The following HHLA1 variants were observed in gnomAD, a reference collection of about 807,000 sequenced individuals.
HHLA1 encodes HERV-H LTR-associating protein 1.
In HHLA1, 72 loss-of-function variants were observed where a neutral mutation model predicts 69.9. The observed-to-expected ratio is 1.03, with a 90% CI of 0.85 to 1.25. HHLA1 has a LOEUF of 1.25. Among genes scored for constraint, HHLA1 ranks in the 50% most tolerant of loss-of-function variants. The pLI is 0.00. For missense variants in HHLA1, 685 were observed against 642.2 expected, an observed-to-expected ratio of 1.07 and a Z score of -0.72; for synonymous variants, 252 against 233.2, an observed-to-expected ratio of 1.08 and a Z score of -0.73.
At chr8:132,097,014 G>C (rs1055162300) in intron 5 of HHLA1, among the ~76,000 whole-genome samples, 1 of 152,152 alleles carries the variant, frequency 6.6e-6, no homozygotes, top group Non-Finnish European at 1.5e-5. Context: ...TACCCACTGT[G>C]ATGGTGGATG....
chr8:132,093,607 G>T (rs1014215023), intron 7 of HHLA1, among the ~76,000 whole-genome samples: 1 of 152,086 alleles, frequency 6.6e-6, no homozygotes, highest in African/African-American at 2.4e-5. Flanking sequence ...GGAACACCAG[G>T]CAATTTTATC....
chr8:132,069,251 T>C (rs1276201701), intron 15 of HHLA1, among the ~76,000 whole-genome samples: 3 of 152,184 alleles, frequency 2.0e-5, no homozygotes, highest in Non-Finnish European at 4.4e-5. Context: ...AAAGCCCTAT[T>C]AGTTATTTCT....
chr8:132,076,038 T>G lies in HHLA1; in HGVS notation c.1315+17A>C, dbSNP rs186471945. The stretch of plus-strand genomic sequence containing the variant: ...AATAAACACAAGCAATAGTAATGAC[T>G]GGGCACTGGTACTTACTTGAAACTT... On this transcript the variant is annotated intron_variant, in intron 14 of 16. Coordinates refer to ENST00000414222, the MANE Select transcript of HHLA1 (RefSeq NM_001145095.3). 1,563 of 1,532,230 alleles carry G rather than the reference T, an allele frequency of 1.0e-3. 4 individuals are homozygous for G. Among genetic ancestry groups the G allele is most frequent in the Admixed American group, 2.1e-3 (108 of 50,966 alleles). The allele number at this position is 1,532,230 out of a possible 1,614,324, so 94.9% of individuals were successfully genotyped here. A position where few individuals can be genotyped will look rare whatever the true frequency, so the allele number is the denominator to read the frequency against.
chr8:132,066,056 C>G (rs1823432984), intron 15 of HHLA1, 88 bp from the exon 16 acceptor site: 1 of 508,446 alleles, frequency 2.0e-6, no homozygotes, highest in African/African-American at 2.0e-5. Context: ...AGCACATAAA[C>G]ATGAACTATA....
chr8:132,091,548 T>C (rs1307983244), intron 7 of HHLA1, among the ~76,000 whole-genome samples: 1 of 152,242 alleles, frequency 6.6e-6, no homozygotes, highest in Non-Finnish European at 1.5e-5. Flanking sequence ...ATCTGCTTTT[T>C]AGGCTTGGAA....
chr8:132,090,161 G>C (rs1456734192), intron 7 of HHLA1, among the ~76,000 whole-genome samples: 1 of 152,166 alleles, frequency 6.6e-6, no homozygotes, highest in Non-Finnish European at 1.5e-5. Context: ...GTGGGGAGTG[G>C]TGTCTGAGAT....
At position 132,062,361 on chromosome 8, in the gene HHLA1, G is replaced by A. The variant is rs913986859; in HGVS notation, c.*1634C>T. ...GGCTGCTCCTCTCTCCAATGTCCAA[G>A]TTCTACCTCCCCAGGCACCTTGTGG... is the stretch of plus-strand genomic sequence containing the variant. On this transcript the variant is annotated 3_prime_UTR_variant, in exon 17 of 17. Transcript: ENST00000414222. 1 of 152,236 alleles carries A rather than the reference G, an allele frequency of 6.6e-6. No individual in the cohort carries two copies. The highest frequency in any genetic ancestry group is 2.4e-5 in the African/African-American group (1 of 41,460). The allele number at this position is 152,236 out of a possible 1,614,324, so 9.4% of individuals were successfully genotyped here. A position where few individuals can be genotyped will look rare whatever the true frequency, so the allele number is the denominator to read the frequency against.
chr8:132,065,816 C>A, intron 16 of HHLA1, 70 bp downstream of exon 16: 1 of 692,740 alleles, frequency 1.4e-6, no homozygotes, highest in Non-Finnish European at 2.3e-6. Context: ...GGGAATCACT[C>A]AGATTTACAG....
At chr8:132,107,052 A>C (rs982399110) in intron 1 of HHLA1, among the ~76,000 whole-genome samples, 1 of 152,270 alleles carries the variant, frequency 6.6e-6, no homozygotes, top group Non-Finnish European at 1.5e-5. Context: ...GATATTAGGA[A>C]TCTTAATTTC....
At chr8:132,100,195 T>C (rs762561859) in intron 3 of HHLA1, 61 bp from the exon 4 acceptor site, 104 of 1,289,620 alleles carry the variant, frequency 8.1e-5, no homozygotes, top group Middle Eastern at 7.3e-4. Flanking sequence ...CCCCCAGGAA[T>C]GGAAGAAGCC....
intron 14 of HHLA1, among the ~76,000 whole-genome samples, chr8:132,074,697 T>C (rs1297998112): frequency 6.6e-6 from 1 of 152,100 alleles, no homozygotes; most frequent in Non-Finnish European, 1.5e-5. Context: ...GATAGATAGA[T>C]GACAGATGGA....
intron 10 of HHLA1, 190 bp from the exon 11 acceptor site, chr8:132,080,156 C>T: frequency 1.3e-6 from 1 of 778,320 alleles, no homozygotes; most frequent in Non-Finnish European, 2.2e-6. Flanking sequence ...CACCTCCAGC[C>T]CTCAGCCTCT....
intron 1 of HHLA1, 135 bp downstream of exon 1, chr8:132,110,967 A>T (rs1212927829): frequency 6.6e-6 from 1 of 152,196 alleles, no homozygotes; most frequent in Non-Finnish European, 1.5e-5. Context: ...GGATGATAGA[A>T]ACTGCTCTCA....
intron 1 of HHLA1, among the ~76,000 whole-genome samples, chr8:132,109,819 A>C (rs1305990088): frequency 1.3e-5 from 2 of 152,218 alleles, no homozygotes; most frequent in African/African-American, 2.4e-5. Flanking sequence ...TATTGAACAC[A>C]AACAGAATGG....
Position 132,077,887 on chromosome 8 carries a change from G to A in HHLA1, c.1010C>T (p.Thr337Ile). ...CCCTCCAGGTTTTTTCTCACTGATG[G>A]TCTGAGCCCAGGGCACGGACGATAT... is the stretch of plus-strand genomic sequence containing the variant. ...ASISSVPWAQ[T>I]ISEKKPGGSL... The change falls in exon 12 of 17, where the codon ACC becomes ATC. Residue 337 changes from threonine (T) to isoleucine (I), a missense_variant. Transcript: ENST00000414222. The A allele has an allele frequency of 6.4e-7, 1 of 1,551,538 alleles. No homozygotes were observed. Among genetic ancestry groups the A allele is most frequent in the Non-Finnish European group, 8.7e-7 (1 of 1,146,940 alleles).
rs1213049089 is a variant in HHLA1 at position 132,062,258 on chromosome 8, C to T, written c.*1737G>A. On this transcript the variant is annotated 3_prime_UTR_variant, in exon 17 of 17. Transcript: ENST00000414222. ...TATACATTTATGAGCTTGACATTTGCATAACTTGGAGAGTCTTTCAAGTGT... is the reference window on the plus strand; with the variant it reads ...TATACATTTATGAGCTTGACATTTGTATAACTTGGAGAGTCTTTCAAGTGT... 1 of 152,156 alleles carries T rather than the reference C, an allele frequency of 6.6e-6. No homozygotes were observed. The highest frequency in any genetic ancestry group is 1.5e-5 in the Non-Finnish European group (1 of 68,034). The allele number at this position is 152,156 out of a possible 1,614,324, so 9.4% of individuals were successfully genotyped here. A position where few individuals can be genotyped will look rare whatever the true frequency, so the allele number is the denominator to read the frequency against.
chr8:132,102,133 A>G (rs1208221550), intron 3 of HHLA1, among the ~76,000 whole-genome samples: 1 of 152,188 alleles, frequency 6.6e-6, no homozygotes, highest in Non-Finnish European at 1.5e-5. Context: ...CACTTAGCAT[A>G]CTGTCCTCCA....
chr8:132,105,321 G>A, intron 1 of HHLA1, 35 bp from the exon 2 acceptor site: 1 of 1,273,524 alleles, frequency 7.9e-7, no homozygotes, highest in South Asian at 1.3e-5. Flanking sequence ...AGGAAACTAA[G>A]CACATGGATG....
chr8:132,065,945 C>T lies in HHLA1; in HGVS notation c.1493G>A (p.Trp498Ter), dbSNP rs768051538. 7.7e-7 allele frequency: 1 copy of T among 1,300,076 alleles called. No homozygotes were observed. Among genetic ancestry groups the T allele is most frequent in the Non-Finnish European group, 1.0e-6 (1 of 984,112 alleles). The allele number at this position is 1,300,076 out of a possible 1,614,324, so 80.5% of individuals were successfully genotyped here. A position where few individuals can be genotyped will look rare whatever the true frequency, so the allele number is the denominator to read the frequency against. Residue 498 changes from tryptophan to a stop codon, truncating the protein, a stop_gained, in exon 16 of 17, where the codon TGG (tryptophan) becomes TAG (stop). Transcript: ENST00000414222. LOFTEE classifies it high-confidence loss of function. ...GATATATGTTGCATTCTTCAGAAAC[C>T]AGGAATAGTATTCAAGACAGTATCT... ...DMRYCLEYYSWFLKNATYICQ... is the reference protein window; with the variant it reads ...DMRYCLEYYS
Sources: gnomAD v4.1 joint callset for allele counts (sites outside exome capture counted in the v4.1 genomes callset) on GRCh38, gnomAD v4.1.1 for gene constraint, MANE v1.5 for transcripts, NCBI Gene and HGNC (gene_info 2026-07-23, HGNC 2026-07-21) for gene names.